Variants in TRPC3 observed in about 807,000 individuals in gnomAD.
TRPC3 encodes the protein transient receptor potential cation channel subfamily C member 3.
In TRPC3, 54 loss-of-function variants were observed where a neutral mutation model predicts 90.9. The observed-to-expected ratio is 0.59, with a 90% CI of 0.48 to 0.75. The LOEUF (loss-of-function observed/expected upper bound fraction) is 0.75. TRPC3 is among the 30% of genes least tolerant of loss of function. The probability of loss-of-function intolerance (pLI) is 0.00; values close to 1 mark genes in which losing one functional copy is unlikely to be tolerated. For synonymous variants in TRPC3, 424 were observed against 450.9 expected, an observed-to-expected ratio of 0.94 and a Z score of 0.75; for missense variants, 918 against 1,194.5, an observed-to-expected ratio of 0.77 and a Z score of 3.41.
intron 10 of TRPC3, among the ~76,000 whole-genome samples, chr4:121,887,702 C>G (rs1475888031): frequency 8.5e-5 from 13 of 152,234 alleles, no homozygotes. Flanking sequence ...AACTCAAGAA[C>G]TCATAGTCCA....
chr4:121,885,450 T>C (rs1321102365), intron 10 of TRPC3, among the ~76,000 whole-genome samples: 1 of 152,178 alleles, frequency 6.6e-6, no homozygotes, highest in Admixed American at 6.6e-5. Flanking sequence ...ACAAATCATG[T>C]AGTTTTGAGT....
rs975106412 is a variant in TRPC3 at position 121,951,790 on chromosome 4, G to T, written c.-110C>A. ...TTCACCACCTCCCGCGGCTTCCGGGGCCCCGGGCGGCCCAGGGCGGGAAGG... is the reference window on the plus strand; with the variant it reads ...TTCACCACCTCCCGCGGCTTCCGGGTCCCCGGGCGGCCCAGGGCGGGAAGG... On this transcript the variant is annotated 5_prime_UTR_variant, in exon 1 of 12. Coordinates refer to ENST00000379645, the MANE Select transcript of TRPC3 (RefSeq NM_001130698.2). The surrounding 1 kb of genome is among the most constrained non-coding windows in gnomAD (Gnocchi z 4.4). The T allele has an allele frequency of 1.1e-6, 1 of 881,192 alleles. No individual in the cohort carries two copies. Among genetic ancestry groups the T allele is most frequent in the Non-Finnish European group, 1.5e-6 (1 of 651,690 alleles). The allele number at this position is 881,192 out of a possible 1,614,324, so 54.6% of individuals were successfully genotyped here. A position where few individuals can be genotyped will look rare whatever the true frequency, so the allele number is the denominator to read the frequency against.
intron 1 of TRPC3, among the ~76,000 whole-genome samples, chr4:121,948,433 C>A (rs1730567818): frequency 6.6e-6 from 1 of 151,400 alleles, no homozygotes; most frequent in African/African-American, 2.4e-5. Flanking sequence ...AGAGTCTAAT[C>A]TCAGCCTGGA....
At chr4:121,906,256 G>A (rs754978587) in intron 7 of TRPC3, among the ~76,000 whole-genome samples, 8 of 152,094 alleles carry the variant, frequency 5.3e-5, no homozygotes, top group Admixed American at 2.6e-4. Flanking sequence ...TCAAATCCAC[G>A]TCTGCATGAT....
chr4:121,940,895 T>C (rs1366494340), intron 1 of TRPC3, among the ~76,000 whole-genome samples: 2 of 152,190 alleles, frequency 1.3e-5, no homozygotes, highest in African/African-American at 4.8e-5. Flanking sequence ...ATATTATCTC[T>C]ACTGTACCTA....
Position 121,951,312 on chromosome 4 carries a change from T to C in TRPC3, c.215+154A>G, listed in dbSNP as rs1259095206. Reference sequence around the variant, plus strand: ...GGGGCGAGCCTCCGGCCGAGGTCTGTCCCCTCCAAATCACTCCAAATCGAA... The same window carrying C: ...GGGGCGAGCCTCCGGCCGAGGTCTGCCCCCTCCAAATCACTCCAAATCGAA... On this transcript the variant is annotated intron_variant, in intron 1 of 11. Coordinates refer to ENST00000379645, the MANE Select transcript of TRPC3 (RefSeq NM_001130698.2). The surrounding 1 kb of genome is among the most constrained non-coding windows in gnomAD (Gnocchi z 4.4). 6.6e-6 allele frequency among the ~76,000 whole-genome samples: 1 copy of C among 150,810 alleles called. No individual in the cohort carries two copies. Among genetic ancestry groups the C allele is most frequent in the Non-Finnish European group, 1.5e-5 (1 of 67,848 alleles).
chr4:121,923,092 A>C (rs1729583192), intron 3 of TRPC3, among the ~76,000 whole-genome samples: 1 of 140,976 alleles, frequency 7.1e-6, no homozygotes, highest in Non-Finnish European at 1.6e-5. Flanking sequence ...AAAGAGGAGA[A>C]AGAGACACAG....
intron 6 of TRPC3, among the ~76,000 whole-genome samples, chr4:121,909,385 T>C (rs1045629170): frequency 6.6e-6 from 1 of 152,154 alleles, no homozygotes. Context: ...ACCTGTAAGA[T>C]GAAGATTAGA....
chr4:121,926,558 C>T (rs1426609249), intron 2 of TRPC3, among the ~76,000 whole-genome samples: 1 of 152,052 alleles, frequency 6.6e-6, no homozygotes, highest in African/African-American at 2.4e-5. Flanking sequence ...AGGCATGTGC[C>T]ACCACACCCG....
rs749467554 is a variant in TRPC3, at chr4:121,911,931, C to T, written c.1504G>A (p.Val502Met). Residue 502 changes from valine to methionine, a missense_variant, in exon 5 of 12, where the codon GTG becomes ATG. Transcript: ENST00000379645. ...VTDYPKQIFRVKTTQFTWTEM... is the reference protein window; with the variant it reads ...VTDYPKQIFRMKTTQFTWTEM... ...GTCCATGTAAACTGGGTGGTTTTCA[C>T]CCTGAAGATCTGTTTGGGATAGTCA... The T allele has an allele frequency of 6.2e-7, 1 of 1,613,810 alleles. No homozygotes were observed.
At chr4:121,919,342 T>C (rs1242376245) in intron 3 of TRPC3, among the ~76,000 whole-genome samples, 1 of 152,212 alleles carries the variant, frequency 6.6e-6, no homozygotes, top group Non-Finnish European at 1.5e-5. Flanking sequence ...TTTTTAATGA[T>C]ACTGTTAGAG....
At chr4:121,916,669 T>G (rs1729328997) in intron 3 of TRPC3, among the ~76,000 whole-genome samples, 1 of 152,178 alleles carries the variant, frequency 6.6e-6, no homozygotes, top group Non-Finnish European at 1.5e-5. Context: ...ATCTTCACTA[T>G]GCTGGCATCC....
rs571706063 is a variant in TRPC3 at position 121,903,465 on chromosome 4, T to C, written c.2254-404A>G. Among the ~76,000 whole-genome samples, 70 of 152,324 alleles carry C rather than the reference T, an allele frequency of 4.6e-4. 1 individual carries two copies. In the South Asian group the frequency reaches 8.7e-3, roughly 19 times the overall value. The stretch of plus-strand genomic sequence containing the variant: ...ACCTATACCTATCCAAGCCAGGCTG[T>C]AGACACAGCATATTATATTTCAAGG... On this transcript the variant is annotated intron_variant, in intron 8 of 11. Coordinates refer to ENST00000379645, the MANE Select transcript of TRPC3 (RefSeq NM_001130698.2).
At chr4:121,937,228 G>A (rs575308983) in intron 1 of TRPC3, among the ~76,000 whole-genome samples, 1 of 152,184 alleles carries the variant, frequency 6.6e-6, no homozygotes, top group Non-Finnish European at 1.5e-5. Context: ...TCTCACGGTT[G>A]GACCCTGAAA....
At chr4:121,948,134 A>T (rs1272803220) in intron 1 of TRPC3, among the ~76,000 whole-genome samples, 1 of 151,874 alleles carries the variant, frequency 6.6e-6, no homozygotes, top group Non-Finnish European at 1.5e-5. Flanking sequence ...CCTGCTTAAC[A>T]TCTCTATCAG....
At chr4:121,918,541 A>G (rs915162424) in intron 3 of TRPC3, among the ~76,000 whole-genome samples, 3 of 152,186 alleles carry the variant, frequency 2.0e-5, no homozygotes, top group Non-Finnish European at 4.4e-5. Context: ...GTGATGGTCA[A>G]TCTTTGACTT....
chr4:121,889,156 A>C (rs1728233535), intron 10 of TRPC3, among the ~76,000 whole-genome samples: 1 of 152,218 alleles, frequency 6.6e-6, no homozygotes, highest in Admixed American at 6.5e-5. Context: ...TTTCAAAATA[A>C]AGTCTCAGGT....
rs1727718462 is a variant in TRPC3 at position 121,874,619 on chromosome 4, A to C, written c.*5117T>G. On this transcript the variant is annotated 3_prime_UTR_variant, in exon 12 of 12. Coordinates refer to ENST00000379645, the MANE Select transcript of TRPC3 (RefSeq NM_001130698.2). ...AGATCGTCATCTTCTCCGTGTCTTC[A>C]CGTGGTCCTCCCTCTATGTCTGTCT... is the stretch of plus-strand genomic sequence containing the variant. Among the ~76,000 whole-genome samples the C allele has an allele frequency of 6.6e-6, 1 of 152,218 alleles. No homozygotes were observed. The highest frequency in any genetic ancestry group is 2.4e-5 in the African/African-American group (1 of 41,464).
intron 2 of TRPC3, among the ~76,000 whole-genome samples, chr4:121,925,529 G>A (rs994175687): frequency 2.0e-5 from 3 of 152,220 alleles, no homozygotes; most frequent in Non-Finnish European, 4.4e-5. Flanking sequence ...GCGGGAGTAG[G>A]AGGTAGGGTG....
Sources: gnomAD v4.1 joint callset for allele counts (sites outside exome capture counted in the v4.1 genomes callset) on GRCh38, gnomAD v4.1.1 for gene constraint, Gnocchi (gnomAD v3.1) non-coding constraint, MANE v1.5 for transcripts, NCBI Gene and HGNC (gene_info 2026-07-23, HGNC 2026-07-21) for gene names.